Variants in RCOR2 observed in about 807,000 individuals in gnomAD.
RCOR2 encodes REST corepressor 2.
Under a neutral mutation model 58.9 loss-of-function variants are expected in RCOR2, and 19 were observed. That is an observed-to-expected ratio of 0.32 (90% CI 0.23 to 0.47). The LOEUF (loss-of-function observed/expected upper bound fraction) is 0.47, where lower values mean the gene tolerates loss of function less well. Among genes scored for constraint, RCOR2 ranks in the 20% least tolerant of loss-of-function variants. RCOR2 has a pLI of 1.00. For synonymous variants in RCOR2, 286 were observed against 278.7 expected (o/e 1.03, Z -0.26); for missense variants, 590 against 707.9 (o/e 0.83, Z 1.89).
At position 63,916,543 on chromosome 11, in the gene RCOR2, C is replaced by A; in HGVS notation, c.-87G>T. 6.7e-7 allele frequency: 1 copy of A among 1,487,142 alleles called. No individual in the cohort carries two copies. Among genetic ancestry groups the A allele is most frequent in the Non-Finnish European group, 8.9e-7 (1 of 1,120,870 alleles). The allele number at this position is 1,487,142 out of a possible 1,614,324, so 92.1% of individuals were successfully genotyped here. On this transcript the variant is annotated 5_prime_UTR_variant, in exon 1 of 12. Coordinates refer to ENST00000301459, the MANE Select transcript of RCOR2 (RefSeq NM_173587.4). Reference sequence around the variant, plus strand: ...CTCGCTCCGAGTGCCGAGCCCGGCCCGGCCTGGAGAGGTCGCCACTGAGGT... The same window carrying A: ...CTCGCTCCGAGTGCCGAGCCCGGCCAGGCCTGGAGAGGTCGCCACTGAGGT...
chr11:63,914,749 G>A lies in RCOR2; in HGVS notation c.386C>T (p.Thr129Ile), dbSNP rs1483658355. The A allele has an allele frequency of 1.9e-6, 3 of 1,613,490 alleles. No individual in the cohort carries two copies. The highest frequency in any genetic ancestry group is 1.3e-5 in the African/African-American group (1 of 75,062). ...TACTGTCCACTCGTCAGGGAATGGG[G>A]TGAAGTTGGCCAGGTCGGCCAGCGA... ...EKSLADLANF[T>I]PFPDEWTVED... The change falls in exon 5 of 12, where the codon ACC becomes ATC. Residue 129 changes from threonine (T) to isoleucine (I), a missense_variant. By Grantham distance (89) the Thr-to-Ile change is moderately conservative (BLOSUM62 -1). This residue lies in a region of RCOR2 where 390 missense variants were observed against 478.7 expected (regional missense o/e 0.81). Coordinates refer to ENST00000301459, the MANE Select transcript of RCOR2 (RefSeq NM_173587.4).
chr11:63,917,925 C>G (rs1253115801), upstream of RCOR2, among the ~76,000 whole-genome samples: 1 of 152,034 alleles, frequency 6.6e-6, no homozygotes, highest in East Asian at 1.9e-4. Context: ...GACAGGGAAG[C>G]GGGTAGAGCG....
intron 4 of RCOR2, 26 bp from the exon 5 acceptor site, chr11:63,914,842 G>GGC: frequency 6.4e-7 from 1 of 1,572,312 alleles, no homozygotes; most frequent in Non-Finnish European, 8.6e-7. Context: ...GGGCAGCTGA[G>GGC]CCTGAGCTGC....
chr11:63,926,948 A>G, the RCOR2 span, among the ~76,000 whole-genome samples: 10 of 151,892 alleles, frequency 6.6e-5, no homozygotes, highest in Non-Finnish European at 1.3e-4. Context: ...CAGTCTCTCG[A>G]GTAGCTGGGA....
At position 63,912,955 on chromosome 11, in the gene RCOR2, G is replaced by C. The variant is rs1399576001; in HGVS notation, c.892-8C>G. On this transcript the variant is annotated splice_region_variant and splice_polypyrimidine_tract_variant and intron_variant, in intron 8 of 11. Coordinates refer to ENST00000301459, the MANE Select transcript of RCOR2 (RefSeq NM_173587.4). ...CTGCTTCATGCTCTGTACCTGGGAA[G>C]GCCAGGAAGTGGAGGAATATCAGAC... 1 of 1,611,328 alleles carries C rather than the reference G, an allele frequency of 6.2e-7. No individual in the cohort carries two copies. Among genetic ancestry groups the C allele is most frequent in the South Asian group, 1.1e-5 (1 of 90,646 alleles).
rs1409447106 is a variant in RCOR2 at position 63,916,908 on chromosome 11, C to G, written c.-452G>C. ...AGCTGCGCCGGGGATGCCCCAGTCC[C>G]CGGGCGGGGACCCGTGTCCTAAGCA... On this transcript the variant is annotated 5_prime_UTR_variant, in exon 1 of 12. Coordinates refer to ENST00000301459, the MANE Select transcript of RCOR2 (RefSeq NM_173587.4). The G allele has an allele frequency of 6.5e-6, 1 of 153,846 alleles. No homozygotes were observed. The highest frequency in any genetic ancestry group is 2.4e-5 in the African/African-American group (1 of 41,422). The allele number at this position is 153,846 out of a possible 1,614,324, so 9.5% of individuals were successfully genotyped here.
At chr11:63,922,206 T>C in the RCOR2 span, among the ~76,000 whole-genome samples, 2 of 152,180 alleles carry the variant, frequency 1.3e-5, no homozygotes, top group Non-Finnish European at 2.9e-5. Flanking sequence ...GTTTGTAAAC[T>C]ACCCAGTCTC....
rs1554991033 is a variant in RCOR2, at chr11:63,912,605, G to GT, written c.1027+70_1027+71insA. The GT allele has an allele frequency of 5.1e-6, 8 of 1,577,758 alleles. No individual in the cohort carries two copies. The African/African-American group carries it at 1.1e-4, about 21-fold the overall frequency. On this transcript the variant is annotated intron_variant, in intron 10 of 11. Coordinates refer to ENST00000301459, the MANE Select transcript of RCOR2 (RefSeq NM_173587.4). ...GTTACTTCCCTGACCCTTCCCCTCTGCCCCCCCACTCCTTGGAGGGTGGGG... is the reference window on the plus strand; with the variant it reads ...GTTACTTCCCTGACCCTTCCCCTCTGTCCCCCCCACTCCTTGGAGGGTGGGG...
In RCOR2 at chr11:63,912,927, C is replaced by A. The variant is rs1268981788; in HGVS notation, c.912G>T (p.Thr304=). The A allele has an allele frequency of 1.2e-6, 2 of 1,613,200 alleles. No individual in the cohort carries two copies. Among genetic ancestry groups the A allele is most frequent in the African/African-American group, 1.3e-5 (1 of 74,862 alleles). The part of the protein sequence containing the change: ...LKRQVQSMKQ[T]NSSLRQALEG... ...CCAGGGCTTGGCGCAGGCTGCTGTT[C>A]GTCTGCTTCATGCTCTGTACCTGGG... Residue 304 remains threonine, a synonymous_variant, in exon 9 of 12, where the codon ACG becomes ACT. Transcript: ENST00000301459.
In RCOR2 at chr11:63,912,970, G is replaced by A. The variant is rs749833089; in HGVS notation, c.892-23C>T. ...TACCTGGGAAGGCCAGGAAGTGGAG[G>A]AATATCAGACTCCCATCTCAGGCAG... On this transcript the variant is annotated intron_variant, in intron 8 of 11. Coordinates refer to ENST00000301459, the MANE Select transcript of RCOR2 (RefSeq NM_173587.4). The A allele has an allele frequency of 1.1e-5, 17 of 1,603,848 alleles. 1 individual carries two copies. In the South Asian group the frequency reaches 1.8e-4, roughly 17 times the overall value.
the RCOR2 span, among the ~76,000 whole-genome samples, chr11:63,926,489 C>CTTTTTTTTTTTTTTTTTTTTTT: frequency 7.3e-6 from 1 of 137,834 alleles, no homozygotes; most frequent in African/African-American, 2.7e-5. Context: ...CTCTCTCTCT[C>CTTTTTTTTTTTTTTTTTTTTTT]TTTTTTTTTT....
At position 63,914,014 on chromosome 11, in the gene RCOR2, C is replaced by T. The variant is rs368117259; in HGVS notation, c.831G>A (p.Pro277=). ...CTCGGAGCGTGAGGTTGGCAAGGTC[C>T]GGGCTTCCTGACACTGCCGTGAGGC... ...PEGLTAVSGS[P]DLANLTLRGL... is the part of the protein sequence containing the mutation. Residue 277 remains proline, a synonymous_variant, in exon 8 of 12, where the codon CCG becomes CCA. Transcript: ENST00000301459. 2.7e-5 allele frequency: 44 copies of T among 1,613,604 alleles called. No homozygotes were observed. Among genetic ancestry groups the T allele is most frequent in the African/African-American group, 2.7e-4 (20 of 74,908 alleles).
At position 63,914,410 on chromosome 11, in the gene RCOR2, C is replaced by T; in HGVS notation, c.605+7G>A. ...CCCCCATGCCCAGTGCTTGCTCCTG[C>T]CCCCACCTGTCTTCTTTGTCCTTGC... On this transcript the variant is annotated splice_region_variant and intron_variant, in intron 6 of 11. Coordinates refer to ENST00000301459, the MANE Select transcript of RCOR2 (RefSeq NM_173587.4). The T allele has an allele frequency of 5.0e-6, 8 of 1,613,142 alleles. No homozygotes were observed. Among genetic ancestry groups the T allele is most frequent in the Non-Finnish European group, 5.1e-6 (6 of 1,180,004 alleles).
chr11:63,926,532 G>A, the RCOR2 span, among the ~76,000 whole-genome samples: 2 of 137,700 alleles, frequency 1.5e-5, no homozygotes, highest in Admixed American at 8.1e-5. Context: ...ACAGAGTCTC[G>A]CTGTTCAGCA....
intron 5 of RCOR2, 52 bp downstream of exon 5, chr11:63,914,603 T>A (rs1394145727): frequency 6.2e-7 from 1 of 1,609,526 alleles, no homozygotes. Context: ...GGTAAGCTCT[T>A]CAGAAAGGAG....
Position 63,916,566 on chromosome 11 carries a change from G to T in RCOR2, c.-110C>A. The T allele has an allele frequency of 6.9e-7, 1 of 1,443,480 alleles. No homozygotes were observed. Among genetic ancestry groups the T allele is most frequent in the South Asian group, 1.4e-5 (1 of 69,780 alleles). 89.4% of individuals were successfully genotyped at this position (1,443,480 alleles called of 1,614,324 possible). A position where few individuals can be genotyped will look rare whatever the true frequency, so the allele number is the denominator to read the frequency against. On this transcript the variant is annotated 5_prime_UTR_variant, in exon 1 of 12. Coordinates refer to ENST00000301459, the MANE Select transcript of RCOR2 (RefSeq NM_173587.4). ...CCCGGCCTGGAGAGGTCGCCACTGA[G>T]GTTAGGAGAGGCAGGAGGTCAGCGT... is the stretch of plus-strand genomic sequence containing the variant.
At chr11:63,919,972 C>G (rs1198887581), upstream of RCOR2, among the ~76,000 whole-genome samples, 4 of 152,254 alleles carry the variant, frequency 2.6e-5, no homozygotes, top group African/African-American at 9.6e-5. Flanking sequence ...CTTGCCTGGG[C>G]CAGAAAAGGC....
chr11:63,915,317 G>C (rs1255424181), intron 2 of RCOR2, 59 bp from the exon 3 acceptor site: 11 of 1,466,846 alleles, frequency 7.5e-6, no homozygotes, highest in Non-Finnish European at 9.3e-6. Flanking sequence ...CACAAGCCTA[G>C]ACCCATGGCC....
upstream of RCOR2, among the ~76,000 whole-genome samples, chr11:63,921,824 C>G (rs971263157): frequency 6.6e-6 from 1 of 152,178 alleles, no homozygotes; most frequent in Admixed American, 6.5e-5. Flanking sequence ...ACCTTGAGCT[C>G]CTGGGTCTGA....
Sources: gnomAD v4.1 joint callset for allele counts (sites outside exome capture counted in the v4.1 genomes callset) on GRCh38, gnomAD v4.1.1 for gene constraint, gnomAD v4.1.1 regional missense constraint, MANE v1.5 for transcripts, NCBI Gene and HGNC (gene_info 2026-07-23, HGNC 2026-07-21) for gene names.